ROBO2: variants seen among roughly 807,000 people sequenced by gnomAD.
ROBO2 encodes roundabout homolog 2.
A neutral mutation model predicts 160.8 loss-of-function variants in ROBO2; 53 were observed. The observed-to-expected ratio is 0.33, with a 90% CI of 0.26 to 0.41. ROBO2 has a LOEUF of 0.41. Ranked by LOEUF, ROBO2 falls within the 10% of genes least tolerant of loss-of-function variation. ROBO2 has a pLI of 1.00. For synonymous variants in ROBO2, 664 were observed against 611.7 expected (o/e 1.09, Z -1.26); for missense variants, 1,577 against 1,722.4 (o/e 0.92, Z 1.49).
In ROBO2 at chr3:77,450,778, T is replaced by C. The variant is rs191814531; in HGVS notation, c.389-26636T>C. ...CGAGGCAAGTTAAAGGTAAAGATAGTGGAAGGAAAATGTCTTTGTTAGGTA... is the reference window on the plus strand; with the variant it reads ...CGAGGCAAGTTAAAGGTAAAGATAGCGGAAGGAAAATGTCTTTGTTAGGTA... On this transcript the variant is annotated intron_variant, in intron 2 of 25. Coordinates refer to ENST00000461745, the Ensembl canonical transcript of ROBO2. 2.4e-3 allele frequency among the ~76,000 whole-genome samples: 365 copies of C among 152,166 alleles called. 1 individual carries two copies. Among genetic ancestry groups the C allele is most frequent in the African/African-American group, 8.4e-3 (351 of 41,544 alleles).
chr3:75,988,147 A>G (rs2065465085), intron 2 of ROBO2, among the ~76,000 whole-genome samples: 2 of 152,060 alleles, frequency 1.3e-5, no homozygotes, highest in Non-Finnish European at 2.9e-5. Flanking sequence ...TCAGCAGTGA[A>G]GCTGTCAGGT....
chr3:76,375,875 C>T (rs2076320729), intron 2 of ROBO2, among the ~76,000 whole-genome samples: 1 of 151,964 alleles, frequency 6.6e-6, no homozygotes, highest in South Asian at 2.1e-4. Flanking sequence ...ATTATTGATT[C>T]ATGTGCAAAC....
rs1039540438 is a variant in ROBO2 at position 76,076,794 on chromosome 3, C to G, written c.109+139192C>G. Among the ~76,000 whole-genome samples the G allele has an allele frequency of 2.9e-4, 44 of 152,100 alleles. 1 individual carries two copies. The highest frequency in any genetic ancestry group is 2.9e-4 in the Non-Finnish European group (20 of 68,014). On this transcript the variant is annotated intron_variant, in intron 2 of 26. Coordinates refer to the ROBO2 transcript ENST00000487694. The stretch of plus-strand genomic sequence containing the variant: ...AACCTGACATTTCTCTGTTTATTAC[C>G]GCATCAAGATGAGCAGATTTAAACT...
At chr3:76,311,478 A>C (rs927011863) in intron 2 of ROBO2, 2 of 152,232 alleles carry the variant, frequency 1.3e-5, no homozygotes, top group African/African-American at 4.8e-5. Flanking sequence ...AGTTACTGCT[A>C]ACTTAAGGAC....
chr3:77,467,850 A>G (rs2082947440), intron 2 of ROBO2, among the ~76,000 whole-genome samples: 1 of 152,176 alleles, frequency 6.6e-6, no homozygotes, highest in Non-Finnish European at 1.5e-5. Flanking sequence ...GAGCAAGCCA[A>G]GACAGTTTTG....
At chr3:76,608,737 T>C (rs2109046300) in intron 2 of ROBO2, among the ~76,000 whole-genome samples, 1 of 152,334 alleles carries the variant, frequency 6.6e-6, no homozygotes, top group Middle Eastern at 3.4e-3. Flanking sequence ...ATTTTGATTT[T>C]ATTTTCCTAT....
chr3:77,357,765 G>C (rs1190886740), intron 2 of ROBO2, among the ~76,000 whole-genome samples: 5 of 152,150 alleles, frequency 3.3e-5, no homozygotes, highest in Non-Finnish European at 5.9e-5. Context: ...GAAGAGACTG[G>C]TCCTAGCCTT....
At chr3:77,222,248 A>G (rs2151206005) in intron 2 of ROBO2, among the ~76,000 whole-genome samples, 1 of 152,260 alleles carries the variant, frequency 6.6e-6, no homozygotes, top group African/African-American at 2.4e-5. Context: ...TGAGATATAG[A>G]TCATATCCAA....
intron 2 of ROBO2, among the ~76,000 whole-genome samples, chr3:77,171,921 G>A (rs564521099): frequency 5.9e-5 from 9 of 152,268 alleles, no homozygotes; most frequent in South Asian, 2.1e-4. Flanking sequence ...TAAAAGAGCC[G>A]TCAAGTAGCT....
chr3:76,369,814 C>T (rs13072264), intron 2 of ROBO2, among the ~76,000 whole-genome samples: 1 of 151,940 alleles, frequency 6.6e-6, no homozygotes, highest in Non-Finnish European at 1.5e-5. Flanking sequence ...TAACACTGCT[C>T]TGATTTGTTT....
chr3:76,636,202 T>A (rs1201798464), intron 2 of ROBO2, among the ~76,000 whole-genome samples: 2 of 152,170 alleles, frequency 1.3e-5, no homozygotes, highest in Non-Finnish European at 2.9e-5. Flanking sequence ...AAAGGAGTAA[T>A]GACATTGAGA....
chr3:76,263,004 C>CT (rs1432777755), intron 2 of ROBO2, among the ~76,000 whole-genome samples: 1 of 152,124 alleles, frequency 6.6e-6, no homozygotes, highest in Non-Finnish European at 1.5e-5. Context: ...GCTATCTCTG[C>CT]TTGCCAAACT....
intron 2 of ROBO2, among the ~76,000 whole-genome samples, chr3:77,371,687 C>T (rs572972972): frequency 2.0e-4 from 30 of 152,276 alleles, no homozygotes; most frequent in Non-Finnish European, 3.4e-4. Context: ...ATTTACTGTT[C>T]TATAGCTACA....
chr3:77,574,651 T>C lies in ROBO2; in HGVS notation c.2124T>C (p.Tyr708=), dbSNP rs1016799132. ...TCAACCTGAAAAAGGGGGTGACTTA[T>C]GAAATTAAAGTACGGCCATATTTTA... Residue 708 remains tyrosine, a synonymous_variant, in exon 14 of 26, where the codon TAT becomes TAC. Transcript: ENST00000461745. The C allele has an allele frequency of 3.7e-6, 6 of 1,613,348 alleles. No individual in the cohort carries two copies. In the African/African-American group the frequency reaches 4.0e-5, roughly 11 times the overall value.
At chr3:77,331,849 G>A (rs2065996239) in intron 2 of ROBO2, among the ~76,000 whole-genome samples, 1 of 152,078 alleles carries the variant, frequency 6.6e-6, no homozygotes, top group African/African-American at 2.4e-5. Context: ...GGGATTACAG[G>A]CACGTGCCAC....
chr3:76,618,450 A>T (rs1179814197), intron 2 of ROBO2, among the ~76,000 whole-genome samples: 5 of 150,064 alleles, frequency 3.3e-5, no homozygotes, highest in African/African-American at 9.8e-5. Flanking sequence ...TATATATATA[A>T]ATATATATAT....
At chr3:76,306,352 CAT>C (rs1474849772) in intron 2 of ROBO2, among the ~76,000 whole-genome samples, 2 of 151,952 alleles carry the variant, frequency 1.3e-5, no homozygotes, top group Non-Finnish European at 2.9e-5. Flanking sequence ...AGTCTAGTAA[CAT>C]AACTCACATT....
chr3:76,027,324 A>T (rs542060958), intron 2 of ROBO2, among the ~76,000 whole-genome samples: 1 of 152,012 alleles, frequency 6.6e-6, no homozygotes, highest in East Asian at 1.9e-4. Context: ...CCCATTTTAC[A>T]TAGGCTTAAC....
intron 2 of ROBO2, among the ~76,000 whole-genome samples, chr3:76,431,082 T>C (rs1460282313): frequency 6.6e-6 from 1 of 152,140 alleles, no homozygotes; most frequent in South Asian, 2.1e-4. Flanking sequence ...AAGAAACAGT[T>C]TACTATATTT....
Sources: gnomAD v4.1 joint callset for allele counts (sites outside exome capture counted in the v4.1 genomes callset) on GRCh38, gnomAD v4.1.1 for gene constraint, MANE v1.5 for transcripts, NCBI Gene and HGNC (gene_info 2026-07-23, HGNC 2026-07-21) for gene names.